Variants in CD1B observed in about 807,000 individuals in gnomAD.
The protein encoded by CD1B is CD1b molecule.
A neutral mutation model predicts 39.8 loss-of-function variants in CD1B; 43 were observed. The observed-to-expected ratio is 1.08, with a 90% CI of 0.85 to 1.39. CD1B has a LOEUF of 1.39. Ranked by LOEUF, CD1B falls within the 40% of genes most tolerant of loss-of-function variation. CD1B has a pLI of 0.00. For missense variants in CD1B, 495 were observed against 403.8 expected, an observed-to-expected ratio of 1.23 and a Z score of -1.94; for synonymous variants, 192 against 152.5, an observed-to-expected ratio of 1.26 and a Z score of -1.91.
At chr1:158,295,391 C>T in the CD1B span, among the ~76,000 whole-genome samples, 1 of 152,010 alleles carries the variant, frequency 6.6e-6, no homozygotes, top group African/African-American at 2.4e-5. Flanking sequence ...ATGAAGTGGC[C>T]CACTCTATCC....
chr1:158,301,213 C>T, the CD1B span, among the ~76,000 whole-genome samples: 3 of 152,002 alleles, frequency 2.0e-5, no homozygotes, highest in Admixed American at 2.0e-4. Context: ...CTCCTGAATA[C>T]AGCACACTGA....
the CD1B span, among the ~76,000 whole-genome samples, chr1:158,294,701 C>T: frequency 1.3e-5 from 2 of 152,182 alleles, no homozygotes; most frequent in African/African-American, 4.8e-5. Flanking sequence ...TACTGATATA[C>T]TTTATGTCAC....
the CD1B span, among the ~76,000 whole-genome samples, chr1:158,321,270 T>C: frequency 1.3e-5 from 2 of 152,202 alleles, no homozygotes; most frequent in African/African-American, 4.8e-5. Context: ...CATATTTGTC[T>C]TTTTTTACAG....
the CD1B span, among the ~76,000 whole-genome samples, chr1:158,288,048 A>C: frequency 0.37 from 56,290 of 152,102 alleles, 12,527 homozygotes; most frequent in African/African-American, 0.62. Flanking sequence ...TCCTGTAGGA[A>C]CATGGAAAAA....
At chr1:158,322,514 C>A in the CD1B span, among the ~76,000 whole-genome samples, 1 of 150,500 alleles carries the variant, frequency 6.6e-6, no homozygotes. Context: ...AGTCAATCCA[C>A]TTGCCTCAGC....
At chr1:158,317,970 G>A in the CD1B span, among the ~76,000 whole-genome samples, 4 of 152,188 alleles carry the variant, frequency 2.6e-5, no homozygotes, top group Non-Finnish European at 4.4e-5. Context: ...TAGTTGTGCG[G>A]TTTTGAGTGA....
the CD1B span, among the ~76,000 whole-genome samples, chr1:158,309,580 C>A: frequency 6.6e-6 from 1 of 152,036 alleles, no homozygotes; most frequent in Non-Finnish European, 1.5e-5. Context: ...TGGAACCAAC[C>A]CAAATGTCTA....
At chr1:158,323,438 A>C (rs1363926526), downstream of CD1B, among the ~76,000 whole-genome samples, 1 of 152,050 alleles carries the variant, frequency 6.6e-6, no homozygotes, top group Non-Finnish European at 1.5e-5. Flanking sequence ...TTAACAAGCT[A>C]TTCTGAATTC....
chr1:158,330,451 T>C lies in CD1B; in HGVS notation c.329-321A>G, dbSNP rs1167872158. The C allele has an allele frequency of 2.0e-5, 11 of 550,346 alleles. No homozygotes were observed. In the East Asian group the frequency reaches 3.6e-4, roughly 18 times the overall value. 34.1% of individuals were successfully genotyped at this position (550,346 alleles called of 1,614,324 possible). A position where few individuals can be genotyped will look rare whatever the true frequency, so the allele number is the denominator to read the frequency against. On this transcript the variant is annotated intron_variant, in intron 2 of 5. Coordinates refer to ENST00000368168, the MANE Select transcript of CD1B (RefSeq NM_001764.3). ...GCAAGAGGAGGGTGCGGGGAGGAGATGATTGAAAAGATGGATTAGGGGAGA... is the reference window on the plus strand; with the variant it reads ...GCAAGAGGAGGGTGCGGGGAGGAGACGATTGAAAAGATGGATTAGGGGAGA...
At chr1:158,327,038 C>T (rs1252709294), downstream of CD1B, among the ~76,000 whole-genome samples, 3 of 152,248 alleles carry the variant, frequency 2.0e-5, no homozygotes, top group South Asian at 4.1e-4. Flanking sequence ...CTCAGGTGAT[C>T]CACCTGCCTC....
chr1:158,329,070 C>A, intron 4 of CD1B, 56 bp from the exon 5 acceptor site: 1 of 1,424,912 alleles, frequency 7.0e-7, no homozygotes, highest in Non-Finnish European at 9.7e-7. Flanking sequence ...CACAGAATTC[C>A]TTGGCCTTCC....
At chr1:158,326,734 T>C (rs1230086594), downstream of CD1B, among the ~76,000 whole-genome samples, 3 of 152,122 alleles carry the variant, frequency 2.0e-5, no homozygotes, top group Non-Finnish European at 4.4e-5. Flanking sequence ...TTTTCAAAAC[T>C]GTCTAATGAG....
chr1:158,308,136 G>A, the CD1B span, among the ~76,000 whole-genome samples: 14 of 152,302 alleles, frequency 9.2e-5, no homozygotes, highest in Middle Eastern at 3.4e-3. Flanking sequence ...CTTCAGCAAA[G>A]TCTCAGGATA....
rs1327084652 is a variant in CD1B, at chr1:158,328,121, ACT to A, written c.*113_*114del. 2.4e-6 allele frequency: 2 copies of A among 823,740 alleles called. No homozygotes were observed. The highest frequency in any genetic ancestry group is 4.0e-6 in the Non-Finnish European group (2 of 497,456). 51.0% of individuals were successfully genotyped at this position (823,740 alleles called of 1,614,324 possible). ...ATAATTTATTTTAAAATACATGAAA[ACT>A]CTGATTTCATCAAATTTGAAAATCA... is the stretch of plus-strand genomic sequence containing the variant. On this transcript the variant is annotated 3_prime_UTR_variant, in exon 6 of 6. Coordinates refer to ENST00000368168, the MANE Select transcript of CD1B (RefSeq NM_001764.3).
the CD1B span, among the ~76,000 whole-genome samples, chr1:158,287,344 G>T: frequency 1.3e-5 from 2 of 152,132 alleles, no homozygotes; most frequent in Non-Finnish European, 2.9e-5. Context: ...GACAGAGAAG[G>T]AAAGTGGAAG....
the CD1B span, among the ~76,000 whole-genome samples, chr1:158,320,980 G>GCC: frequency 6.6e-6 from 1 of 152,122 alleles, no homozygotes; most frequent in Non-Finnish European, 1.5e-5. Context: ...TGTATATTCT[G>GCC]CAACTACTGG....
the CD1B span, among the ~76,000 whole-genome samples, chr1:158,305,833 G>T: frequency 6.6e-6 from 1 of 152,320 alleles, no homozygotes; most frequent in South Asian, 2.1e-4. Context: ...GCCAAACTAA[G>T]CTTCATAAGT....
At position 158,328,214 on chromosome 1, in the gene CD1B, G is replaced by T. The variant is rs372825652; in HGVS notation, c.*22C>A. The T allele has an allele frequency of 6.2e-7, 1 of 1,602,044 alleles. No individual in the cohort carries two copies. Among genetic ancestry groups the T allele is most frequent in the Admixed American group, 1.7e-5 (1 of 59,854 alleles). On this transcript the variant is annotated 3_prime_UTR_variant, in exon 6 of 6. Transcript: ENST00000368168. ...GGCTTCTTGGTACTTATTGCGAATG[G>T]GAGAGGAGACATGATGATGGCTCAT... is the stretch of plus-strand genomic sequence containing the variant.
the CD1B span, among the ~76,000 whole-genome samples, chr1:158,320,425 G>A: frequency 2.0e-5 from 3 of 152,132 alleles, no homozygotes; most frequent in Admixed American, 6.5e-5. Context: ...GATTTTCCAG[G>A]TGCCGTCCGT....
Sources: gnomAD v4.1 joint callset for allele counts (sites outside exome capture counted in the v4.1 genomes callset) on GRCh38, gnomAD v4.1.1 for gene constraint, MANE v1.5 for transcripts, NCBI Gene and HGNC (gene_info 2026-07-23, HGNC 2026-07-21) for gene names.